Variants in NFIB observed in about 807,000 individuals in gnomAD.
The protein encoded by NFIB is nuclear factor 1 B-type.
NFIB carries 11 observed loss-of-function variants against 61.5 expected under a neutral mutation model. That is an observed-to-expected ratio of 0.18 (90% CI 0.11 to 0.30). The LOEUF (loss-of-function observed/expected upper bound fraction) is 0.30. Among genes scored for constraint, NFIB ranks in the 10% least tolerant of loss-of-function variants. The pLI is 1.00. For synonymous variants in NFIB, 260 were observed against 216.5 expected, an observed-to-expected ratio of 1.20 and a Z score of -1.76; for missense variants, 471 against 608.9, an observed-to-expected ratio of 0.77 and a Z score of 2.38.
intron 1 of NFIB, among the ~76,000 whole-genome samples, chr9:14,346,298 C>CCT (rs902146973): frequency 3.5e-5 from 5 of 144,330 alleles, no homozygotes; most frequent in African/African-American, 1.2e-4. Flanking sequence ...ACACCCCCCC[C>CCT]CCGTAACCTG....
intron 10 of NFIB, chr9:14,094,167 T>G (rs1345391542): frequency 6.6e-6 from 1 of 152,112 alleles, no homozygotes; most frequent in Non-Finnish European, 1.5e-5. Context: ...TTCTACCCAC[T>G]AAACTTTTCT....
chr9:14,212,085 T>A (rs76202006), intron 2 of NFIB, among the ~76,000 whole-genome samples: 13,976 of 152,184 alleles, frequency 0.092, 2,121 homozygotes, highest in African/African-American at 0.32. Context: ...GTAACTGGAC[T>A]TTCCTTAAAA....
the NFIB span, among the ~76,000 whole-genome samples, chr9:14,441,506 T>C: frequency 6.6e-6 from 1 of 152,258 alleles, no homozygotes; most frequent in Non-Finnish European, 1.5e-5. Context: ...GGGATCCATC[T>C]ATATCAAAAC....
intron 10 of NFIB, among the ~76,000 whole-genome samples, chr9:14,109,191 T>C (rs988866106): frequency 3.3e-5 from 5 of 152,044 alleles, no homozygotes; most frequent in Admixed American, 2.0e-4. Context: ...CATGCTAAAA[T>C]TGTTAGACTG....
At chr9:14,267,027 G>C (rs1563959378) in intron 2 of NFIB, among the ~76,000 whole-genome samples, 1 of 152,112 alleles carries the variant, frequency 6.6e-6, no homozygotes, top group African/African-American at 2.4e-5. Context: ...TGGGCTGTGA[G>C]CTTTCTAGCA....
intron 2 of NFIB, among the ~76,000 whole-genome samples, chr9:14,263,879 A>G (rs1183820278): frequency 6.6e-6 from 1 of 152,160 alleles, no homozygotes; most frequent in African/African-American, 2.4e-5. Flanking sequence ...CCTCGTACAA[A>G]CTATTACTGC....
At chr9:14,265,677 A>G (rs535559793) in intron 2 of NFIB, among the ~76,000 whole-genome samples, 2 of 152,332 alleles carry the variant, frequency 1.3e-5, no homozygotes, top group South Asian at 4.1e-4. Context: ...CCTCTCTCTG[A>G]GACAGCATTC....
chr9:14,332,354 A>G (rs947035308), intron 1 of NFIB, among the ~76,000 whole-genome samples: 1 of 144,532 alleles, frequency 6.9e-6, no homozygotes, highest in African/African-American at 2.5e-5. Context: ...AAAAAAACAC[A>G]CAAGAAGAAT....
At chr9:14,353,701 G>A (rs900595286) in intron 1 of NFIB, among the ~76,000 whole-genome samples, 2 of 152,096 alleles carry the variant, frequency 1.3e-5, no homozygotes. Flanking sequence ...GTGGAGACCC[G>A]CAGGCGGTGA....
At chr9:14,451,299 C>T in the NFIB span, among the ~76,000 whole-genome samples, 9 of 152,216 alleles carry the variant, frequency 5.9e-5, no homozygotes, top group African/African-American at 2.2e-4. Context: ...TTTATTACAT[C>T]TTTGTATACC....
intron 1 of NFIB, among the ~76,000 whole-genome samples, chr9:14,395,013 C>A (rs1217732509): frequency 1.3e-5 from 2 of 152,110 alleles, no homozygotes; most frequent in Admixed American, 1.3e-4. Context: ...TCAATCTCCG[C>A]AAGAATTGGA....
Position 14,146,802 on chromosome 9 carries a change from C to G in NFIB, c.812G>C (p.Arg271Thr). ...RSLSSPPSSK[R>T]PKTISIDENM... ...TTCATCTATGGATATAGTTTTGGGT[C>G]TTTTGCTGTTAAAATATGGCAATAG... The change falls in exon 6 of 11, where the codon AGA becomes ACA. Residue 271 changes from arginine to threonine, a missense_variant. Around this residue, in one of 2 missense-constraint regions of NFIB, gnomAD observed 372 missense variants for 395.6 expected, o/e 0.94. Transcript: ENST00000380953. The G allele has an allele frequency of 6.2e-7, 1 of 1,603,704 alleles. No individual in the cohort carries two copies. Among genetic ancestry groups the G allele is most frequent in the Non-Finnish European group, 8.5e-7 (1 of 1,177,456 alleles).
In NFIB at chr9:14,088,198, C is replaced by T; in HGVS notation, c.*111G>A. The stretch of plus-strand genomic sequence containing the variant: ...ACTATTGTTGTGTTTCTTTTTCCCT[C>T]AGTTGCTTGTTTCTGCTTGAAGGAA... On this transcript the variant is annotated 3_prime_UTR_variant, in exon 11 of 11. Coordinates refer to ENST00000380953, the MANE Select transcript of NFIB (RefSeq NM_001190737.2). The T allele has an allele frequency of 6.6e-7, 1 of 1,521,142 alleles. No homozygotes were observed. The highest frequency in any genetic ancestry group is 8.9e-7 in the Non-Finnish European group (1 of 1,129,866). 94.2% of individuals were successfully genotyped at this position (1,521,142 alleles called of 1,614,324 possible). A position where few individuals can be genotyped will look rare whatever the true frequency, so the allele number is the denominator to read the frequency against.
At chr9:14,462,823 G>C in the NFIB span, among the ~76,000 whole-genome samples, 29 of 152,310 alleles carry the variant, frequency 1.9e-4, no homozygotes, top group African/African-American at 7.0e-4. Context: ...TCTAGCACAA[G>C]GCCATAGCCA....
chr9:14,100,305 C>T (rs532874495), intron 10 of NFIB, among the ~76,000 whole-genome samples: 1 of 152,334 alleles, frequency 6.6e-6, no homozygotes, highest in South Asian at 2.1e-4. Flanking sequence ...AGCAACAATA[C>T]TGCCCTAAGA....
At chr9:14,300,340 G>C in intron 2 of NFIB, 1 of 397,366 alleles carries the variant, frequency 2.5e-6, no homozygotes, top group South Asian at 1.3e-4. Flanking sequence ...CAAGGATGGA[G>C]GGAAAAAGGC....
At chr9:14,498,069 A>G in the NFIB span, among the ~76,000 whole-genome samples, 1 of 152,200 alleles carries the variant, frequency 6.6e-6, no homozygotes, top group Non-Finnish European at 1.5e-5. Context: ...CTTGCAACTA[A>G]AAGAGTCCTA....
chr9:14,334,513 T>C (rs1176881246), intron 1 of NFIB, among the ~76,000 whole-genome samples: 1 of 152,194 alleles, frequency 6.6e-6, no homozygotes, highest in Non-Finnish European at 1.5e-5. Context: ...ATTTTTCCCG[T>C]TTTTATTTGC....
At chr9:14,475,570 G>A in the NFIB span, among the ~76,000 whole-genome samples, 1 of 152,176 alleles carries the variant, frequency 6.6e-6, no homozygotes, top group South Asian at 2.1e-4. Context: ...GACCCCTGCA[G>A]CGTCTTGCTG....
Sources: allele counts gnomAD v4.1 joint callset (sites outside exome capture counted in the v4.1 genomes callset), GRCh38; gene constraint gnomAD v4.1.1; regional missense constraint gnomAD v4.1.1; transcripts MANE v1.5; gene names NCBI Gene and HGNC (gene_info 2026-07-23, HGNC 2026-07-21).